STXBP5L: variants seen among roughly 807,000 people sequenced by gnomAD.
STXBP5L encodes syntaxin binding protein 5L.
A neutral mutation model predicts 144.5 loss-of-function variants in STXBP5L; 65 were observed. The observed-to-expected ratio is 0.45, with a 90% CI of 0.37 to 0.55. STXBP5L has a LOEUF of 0.55. Among genes scored for constraint, STXBP5L ranks in the 20% least tolerant of loss-of-function variants. The probability of loss-of-function intolerance (pLI) is 0.00; values close to 1 mark genes in which losing one functional copy is unlikely to be tolerated. For synonymous variants in STXBP5L, 505 were observed against 469.6 expected (o/e 1.08, Z -0.97); for missense variants, 1,298 against 1,405.5 (o/e 0.92, Z 1.22).
chr3:121,085,330 A>C (rs1367055910), intron 5 of STXBP5L, among the ~76,000 whole-genome samples: 1 of 152,034 alleles, frequency 6.6e-6, no homozygotes, highest in Non-Finnish European at 1.5e-5. Flanking sequence ...GATTTTCTCT[A>C]GGATTTTAAT....
intron 3 of STXBP5L, among the ~76,000 whole-genome samples, chr3:121,038,550 T>G (rs918008909): frequency 7.2e-5 from 11 of 151,986 alleles, no homozygotes; most frequent in African/African-American, 2.7e-4. Context: ...TCTTTTATAT[T>G]TCAAAAGTAT....
intron 24 of STXBP5L, 41 bp downstream of exon 24, chr3:121,413,364 G>A: frequency 1.4e-6 from 2 of 1,460,940 alleles, no homozygotes; most frequent in East Asian, 2.5e-5. Flanking sequence ...CATTGGACAT[G>A]GTTGAGAGAA....
At chr3:121,274,962 G>C (rs948309131) in intron 18 of STXBP5L, among the ~76,000 whole-genome samples, 1 of 152,170 alleles carries the variant, frequency 6.6e-6, no homozygotes, top group African/African-American at 2.4e-5. Flanking sequence ...TAAGAGAGCA[G>C]TCAGTTATTT....
At chr3:120,951,631 C>A (rs2107688406) in intron 2 of STXBP5L, among the ~76,000 whole-genome samples, 1 of 152,162 alleles carries the variant, frequency 6.6e-6, no homozygotes, top group African/African-American at 2.4e-5. Flanking sequence ...GTTAGAATGG[C>A]AATCATTAAA....
chr3:121,254,434 TA>T (rs2050139916), intron 15 of STXBP5L, among the ~76,000 whole-genome samples: 1 of 152,150 alleles, frequency 6.6e-6, no homozygotes, highest in Non-Finnish European at 1.5e-5. Flanking sequence ...AAGGAGTGTC[TA>T]AAAATTTGTT....
chr3:120,953,229 TG>T (rs1300654315), intron 2 of STXBP5L, among the ~76,000 whole-genome samples: 1 of 151,440 alleles, frequency 6.6e-6, no homozygotes, highest in Non-Finnish European at 1.5e-5. Flanking sequence ...AAACTTGGAG[TG>T]GGGAAAACTA....
At chr3:121,200,479 T>C (rs1212120170) in intron 9 of STXBP5L, among the ~76,000 whole-genome samples, 1 of 152,230 alleles carries the variant, frequency 6.6e-6, no homozygotes, top group Non-Finnish European at 1.5e-5. Flanking sequence ...TCTGTCTCCT[T>C]CAGTTCCACT....
At chr3:121,154,296 T>C (rs2107993264) in intron 8 of STXBP5L, among the ~76,000 whole-genome samples, 1 of 151,948 alleles carries the variant, frequency 6.6e-6, no homozygotes, top group Middle Eastern at 3.4e-3. Context: ...TACCAAACTT[T>C]TCAGCCTCTC....
At chr3:121,157,274 C>G (rs2046149967) in intron 8 of STXBP5L, among the ~76,000 whole-genome samples, 1 of 151,922 alleles carries the variant, frequency 6.6e-6, no homozygotes, top group Non-Finnish European at 1.5e-5. Context: ...ACATAGAAAG[C>G]CTTCAGATGG....
intron 3 of STXBP5L, among the ~76,000 whole-genome samples, chr3:121,004,157 T>G (rs577319193): frequency 6.6e-6 from 1 of 152,132 alleles, no homozygotes; most frequent in East Asian, 1.9e-4. Flanking sequence ...GCCATTTTCA[T>G]GATATTGATT....
chr3:121,025,637 A>G (rs368067100), intron 3 of STXBP5L, among the ~76,000 whole-genome samples: 1 of 151,652 alleles, frequency 6.6e-6, no homozygotes, highest in South Asian at 2.1e-4. Context: ...TGAATTTCCA[A>G]AACCTGCTCT....
chr3:121,192,524 A>G (rs927477672), intron 9 of STXBP5L, among the ~76,000 whole-genome samples: 40 of 152,208 alleles, frequency 2.6e-4, no homozygotes, highest in African/African-American at 9.4e-4. Flanking sequence ...GACAATCCAA[A>G]GCCAAAAGAA....
intron 7 of STXBP5L, among the ~76,000 whole-genome samples, chr3:121,126,434 C>G (rs2044706754): frequency 6.6e-6 from 1 of 152,084 alleles, no homozygotes; most frequent in African/African-American, 2.4e-5. Context: ...TAGGTTGTCT[C>G]CTGTCTAAAA....
chr3:121,016,269 G>A (rs774182484), intron 3 of STXBP5L, among the ~76,000 whole-genome samples: 5 of 152,144 alleles, frequency 3.3e-5, no homozygotes, highest in Admixed American at 6.6e-5. Flanking sequence ...ACCAGAGTCA[G>A]CAATAGCATA....
chr3:121,256,380 A>G (rs948806037), intron 16 of STXBP5L, among the ~76,000 whole-genome samples: 1 of 152,020 alleles, frequency 6.6e-6, no homozygotes, highest in Non-Finnish European at 1.5e-5. Flanking sequence ...TTACATTATA[A>G]GGCAAATATG....
In STXBP5L at chr3:121,279,876, G is replaced by C. The variant is rs1189816631; in HGVS notation, c.2030G>C (p.Gly677Ala). ...FIQKTVLLSM[G>A]TIDLYRSSDL... ...CAGAAGACAGTACTGTTAAGCATGG[G>C]GACCATTGACCTATATAGATCAAGT... Residue 677 changes from glycine (G) to alanine (A), a missense_variant, in exon 19 of 27, where the codon GGG becomes GCG. Transcript: ENST00000471454. 8 of 1,612,404 alleles carry C rather than the reference G, an allele frequency of 5.0e-6. No homozygotes were observed. The highest frequency in any genetic ancestry group is 5.1e-6 in the Non-Finnish European group (6 of 1,178,952).
intron 2 of STXBP5L, 96 bp from the exon 3 acceptor site, chr3:120,954,844 A>G (rs1937842415): frequency 1.1e-6 from 1 of 948,490 alleles, no homozygotes. Context: ...TTTCCTTTAA[A>G]CTAATTTTAG....
At chr3:120,920,304 A>C (rs1709298585) in intron 2 of STXBP5L, among the ~76,000 whole-genome samples, 1 of 149,294 alleles carries the variant, frequency 6.7e-6, no homozygotes, top group African/African-American at 2.5e-5. Flanking sequence ...ATTTCTTACA[A>C]ATTTTTTTTT....
chr3:121,344,731 G>T (rs2044882057), intron 20 of STXBP5L, among the ~76,000 whole-genome samples: 1 of 151,826 alleles, frequency 6.6e-6, no homozygotes, highest in Non-Finnish European at 1.5e-5. Flanking sequence ...TGGTTAATTG[G>T]TGGTGAATTT....
Sources: allele counts gnomAD v4.1 joint callset (sites outside exome capture counted in the v4.1 genomes callset), GRCh38; gene constraint gnomAD v4.1.1; transcripts MANE v1.5; gene names NCBI Gene and HGNC (gene_info 2026-07-23, HGNC 2026-07-21).